CASR: variants seen among roughly 807,000 people sequenced by gnomAD.
The protein encoded by CASR is calcium sensing receptor.
A neutral mutation model predicts 69.1 loss-of-function variants in CASR; 23 were observed. The observed-to-expected ratio is 0.33, with a 90% confidence interval of 0.24 to 0.47. The LOEUF is 0.47. Among genes scored for constraint, CASR ranks in the 20% least tolerant of loss-of-function variants. The pLI is 1.00. For synonymous variants in CASR, 541 were observed against 544.7 expected (o/e 0.99, Z 0.10); for missense variants, 924 against 1,356.1 (o/e 0.68, Z 5.00).
At chr3:122,235,821 T>C (rs2074324649) in intron 1 of CASR, among the ~76,000 whole-genome samples, 2 of 152,164 alleles carry the variant, frequency 1.3e-5, no homozygotes, top group African/African-American at 4.8e-5. Context: ...TAAATAAAAT[T>C]ACATTTAAAC....
intron 1 of CASR, among the ~76,000 whole-genome samples, chr3:122,209,514 AAG>A (rs1470044012): frequency 1.3e-5 from 2 of 152,322 alleles, no homozygotes; most frequent in South Asian, 2.1e-4. Context: ...GTGTCAGACA[AAG>A]AGAGCTTGTG....
chr3:122,244,438 T>C (rs1979869), intron 1 of CASR, among the ~76,000 whole-genome samples: 101,671 of 151,968 alleles, frequency 0.67, 34,273 homozygotes, highest in Admixed American at 0.78. Context: ...GAAAATACTA[T>C]ACAATAATGA....
chr3:122,206,268 GTTT>G (rs58014586), intron 1 of CASR, among the ~76,000 whole-genome samples: 1 of 149,302 alleles, frequency 6.7e-6, no homozygotes, highest in African/African-American at 2.4e-5. Flanking sequence ...TTTGATGAGG[GTTT>G]TTTTTTTTAT....
rs774174934 is a variant in CASR at position 122,275,878 on chromosome 3, T to A, written c.1444T>A (p.Cys482Ser). 8 of 1,614,092 alleles carry A rather than the reference T, an allele frequency of 5.0e-6. No homozygotes were observed. In the South Asian group the frequency reaches 6.6e-5, roughly 13 times the overall value. Residue 482 changes from cysteine to serine, a missense_variant, in exon 5 of 7, where the codon TGT becomes AGT. This residue lies in a region of CASR where 310 missense variants were observed against 395.7 expected (regional missense o/e 0.78). Transcript: ENST00000639785. ...GGGGGAGCAGGTGACCTTTGATGAG[T>A]GTGGTGACCTGGTGGGGAACTATTC... is the stretch of plus-strand genomic sequence containing the variant. ...NMGEQVTFDE[C>S]GDLVGNYSII...
rs1363637056 is a variant in CASR at position 122,288,699 on chromosome 3, A to G, written c.*3508A>G. On this transcript the variant is annotated 3_prime_UTR_variant, in exon 7 of 7. Coordinates refer to ENST00000639785, the MANE Select transcript of CASR (RefSeq NM_000388.4). ...ATTCTATTATCTGTCAGTAGCAGAA[A>G]CCTGAAATTGGTAGCTTCAACAAAC... The G allele has an allele frequency of 6.6e-6, 1 of 152,172 alleles. No individual in the cohort carries two copies. Among genetic ancestry groups the G allele is most frequent in the Non-Finnish European group, 1.5e-5 (1 of 68,030 alleles). The allele number at this position is 152,172 out of a possible 1,614,324, so 9.4% of individuals were successfully genotyped here. A position where few individuals can be genotyped will look rare whatever the true frequency, so the allele number is the denominator to read the frequency against.
Position 122,252,448 on chromosome 3 carries a change from A to AGAAAGAAAGAAAG in CASR, c.-242-1500_-242-1499insGAAAGAAAGAAAG, listed in dbSNP as rs1288515427. ...AAGAAAGAAAGAAAGAAAGAAAGAA[A>AGAAAGAAAGAAAG]AAAAAGAAAAGAAAGAAAAGAAAAG... On this transcript the variant is annotated intron_variant, in intron 1 of 6. Transcript: ENST00000639785. Among the ~76,000 whole-genome samples, 20 of 96,102 alleles carry AGAAAGAAAGAAAG rather than the reference A, an allele frequency of 2.1e-4. 1 individual carries two copies. Among genetic ancestry groups the AGAAAGAAAGAAAG allele is most frequent in the South Asian group, 7.0e-4 (2 of 2,874 alleles). The allele number at this position is 96,102 out of a possible 152,430, so 63.0% of individuals were successfully genotyped here. A position where few individuals can be genotyped will look rare whatever the true frequency, so the allele number is the denominator to read the frequency against.
chr3:122,195,642 T>A (rs1366132697), intron 1 of CASR, among the ~76,000 whole-genome samples: 1 of 152,248 alleles, frequency 6.6e-6, no homozygotes, highest in Non-Finnish European at 1.5e-5. Context: ...CGTTTAATCC[T>A]ATCAAAAATT....
chr3:122,219,063 A>C (rs898006251), intron 1 of CASR, among the ~76,000 whole-genome samples: 1 of 152,194 alleles, frequency 6.6e-6, no homozygotes, highest in Non-Finnish European at 1.5e-5. Context: ...GCAAGGAGGA[A>C]TTGTATAAAA....
intron 1 of CASR, among the ~76,000 whole-genome samples, chr3:122,237,865 T>C (rs1194151832): frequency 6.6e-6 from 1 of 152,192 alleles, no homozygotes; most frequent in Non-Finnish European, 1.5e-5. Flanking sequence ...TTTGGAAAAC[T>C]TTTTGGTAGT....
At chr3:122,206,555 C>T (rs2074008766) in intron 1 of CASR, among the ~76,000 whole-genome samples, 1 of 151,802 alleles carries the variant, frequency 6.6e-6, no homozygotes, top group Non-Finnish European at 1.5e-5. Context: ...GCTGTGTCCT[C>T]ATCTGGTTTT....
intron 1 of CASR, among the ~76,000 whole-genome samples, chr3:122,243,763 T>G (rs1249782242): frequency 6.6e-6 from 1 of 152,108 alleles, no homozygotes; most frequent in African/African-American, 2.4e-5. Context: ...AAGCCAAGAT[T>G]TGGATGCAAC....
intron 1 of CASR, among the ~76,000 whole-genome samples, chr3:122,250,991 A>C (rs192371512): frequency 1.6e-4 from 25 of 152,348 alleles, no homozygotes; most frequent in African/African-American, 5.5e-4. Flanking sequence ...ATGAGTGAAC[A>C]TATGACCAGG....
chr3:122,211,755 G>A (rs1377171266), intron 1 of CASR, among the ~76,000 whole-genome samples: 4 of 151,850 alleles, frequency 2.6e-5, no homozygotes, highest in South Asian at 4.2e-4. Flanking sequence ...GGCAAAGGAC[G>A]TGAACAGACA....
intron 1 of CASR, among the ~76,000 whole-genome samples, chr3:122,242,531 C>T (rs2074387949): frequency 6.6e-6 from 1 of 151,870 alleles, no homozygotes; most frequent in Non-Finnish European, 1.5e-5. Flanking sequence ...TTGCAGAGGA[C>T]ACAAAAAAGG....
chr3:122,221,289 C>G (rs2074168245), intron 1 of CASR, among the ~76,000 whole-genome samples: 1 of 152,128 alleles, frequency 6.6e-6, no homozygotes, highest in African/African-American at 2.4e-5. Context: ...TCCCCTCACC[C>G]CCTTCCTTGG....
At chr3:122,221,087 C>T (rs2074165075) in intron 1 of CASR, among the ~76,000 whole-genome samples, 3 of 152,210 alleles carry the variant, frequency 2.0e-5, no homozygotes, top group Admixed American at 1.3e-4. Flanking sequence ...TAAAAGTTGG[C>T]AGTTTATCCC....
At chr3:122,210,713 T>G (rs2074056357) in intron 1 of CASR, among the ~76,000 whole-genome samples, 1 of 152,156 alleles carries the variant, frequency 6.6e-6, no homozygotes, top group South Asian at 2.1e-4. Flanking sequence ...ATTGACATTC[T>G]TCACAGAATT....
At chr3:122,207,470 A>G (rs1363318301) in intron 1 of CASR, among the ~76,000 whole-genome samples, 1 of 152,168 alleles carries the variant, frequency 6.6e-6, no homozygotes, top group Non-Finnish European at 1.5e-5. Flanking sequence ...TATATCAAGT[A>G]TCTTTTCTGA....
At chr3:122,195,284 C>G (rs1429690005) in intron 1 of CASR, among the ~76,000 whole-genome samples, 1 of 152,226 alleles carries the variant, frequency 6.6e-6, no homozygotes, top group African/African-American at 2.4e-5. Flanking sequence ...TCCTCCCCAT[C>G]CATTTAGTTC....
Sources: gnomAD v4.1 joint callset for allele counts (sites outside exome capture counted in the v4.1 genomes callset) on GRCh38, gnomAD v4.1.1 for gene constraint, gnomAD v4.1.1 regional missense constraint, MANE v1.5 for transcripts, NCBI Gene and HGNC (gene_info 2026-07-23, HGNC 2026-07-21) for gene names.